TBC1D5: variants seen among roughly 807,000 people sequenced by gnomAD.
TBC1D5 encodes TBC1 domain family member 5.
In TBC1D5, 75 loss-of-function variants were observed where a neutral mutation model predicts 100.3. The ratio of observed to expected loss-of-function variants is 0.75; its 90% CI spans 0.62 to 0.91. The LOEUF (loss-of-function observed/expected upper bound fraction) is 0.91. TBC1D5 is among the 40% of genes least tolerant of loss of function. The pLI, the probability that TBC1D5 is intolerant of heterozygous loss-of-function variation, is 0.00. For missense variants in TBC1D5, 910 were observed against 942.4 expected, an observed-to-expected ratio of 0.97 and a Z score of 0.45; for synonymous variants, 323 against 325.6, an observed-to-expected ratio of 0.99 and a Z score of 0.09.
chr3:17,252,823 T>C (rs2077289166), intron 16 of TBC1D5, among the ~76,000 whole-genome samples: 1 of 152,216 alleles, frequency 6.6e-6, no homozygotes, highest in Non-Finnish European at 1.5e-5. Flanking sequence ...ATCTATCTTT[T>C]TCACTGATGT....
At chr3:17,629,592 T>A (rs2063330672) in intron 1 of TBC1D5, among the ~76,000 whole-genome samples, 1 of 152,248 alleles carries the variant, frequency 6.6e-6, no homozygotes, top group Non-Finnish European at 1.5e-5. Flanking sequence ...ACTAGTTACT[T>A]TGCTACTAAA....
At chr3:17,265,757 G>A (rs1459159730) in intron 15 of TBC1D5, among the ~76,000 whole-genome samples, 1 of 152,090 alleles carries the variant, frequency 6.6e-6, no homozygotes, top group Non-Finnish European at 1.5e-5. Flanking sequence ...CAAGTGCAGA[G>A]ATGCCATGGC....
intron 18 of TBC1D5, among the ~76,000 whole-genome samples, chr3:17,200,418 T>C (rs1330224533): frequency 1.3e-5 from 2 of 152,348 alleles, no homozygotes; most frequent in African/African-American, 4.8e-5. Flanking sequence ...AGCAGCAGCA[T>C]TAGATTCTCA....
At chr3:17,214,001 CT>C (rs11393639) in intron 18 of TBC1D5, among the ~76,000 whole-genome samples, 114 of 146,742 alleles carry the variant, frequency 7.8e-4, no homozygotes, top group African/African-American at 2.6e-3. Flanking sequence ...AATGATGCTA[CT>C]TTTTTTTTTT....
In TBC1D5 at chr3:17,183,604, C is replaced by T. The variant is rs12330212; in HGVS notation, c.1852+1505G>A. Reference sequence around the variant, plus strand: ...TCTCCTGCTGTTTTTCCCTCTTGAGCCCTTTCCCTGCAGGAGTGGTTGAGA... The same window carrying T: ...TCTCCTGCTGTTTTTCCCTCTTGAGTCCTTTCCCTGCAGGAGTGGTTGAGA... On this transcript the variant is annotated intron_variant, in intron 19 of 21. Coordinates refer to ENST00000253692, the Ensembl canonical transcript of TBC1D5. Among the ~76,000 whole-genome samples, 143 of 152,272 alleles carry T rather than the reference C, an allele frequency of 9.4e-4. 1 individual carries two copies. Among genetic ancestry groups the T allele is most frequent in the African/African-American group, 3.2e-3 (135 of 41,550 alleles).
chr3:17,567,897 GA>G (rs2153495235), intron 2 of TBC1D5, among the ~76,000 whole-genome samples: 1 of 151,620 alleles, frequency 6.6e-6, no homozygotes, highest in African/African-American at 2.4e-5. Context: ...AAGTATAAAA[GA>G]CCAAAAGATA....
intron 1 of TBC1D5, among the ~76,000 whole-genome samples, chr3:17,660,241 A>C (rs932788079): frequency 6.6e-6 from 1 of 152,242 alleles, no homozygotes; most frequent in African/African-American, 2.4e-5. Context: ...ATGCAAAAAG[A>C]GAAAGAAACT....
chr3:17,623,945 A>G (rs1341517390), intron 1 of TBC1D5, 32 bp from the exon 2 acceptor site: 1 of 152,194 alleles, frequency 6.6e-6, no homozygotes, highest in East Asian at 1.9e-4. Flanking sequence ...GGATCTTTAA[A>G]TCTATGAAAT....
intron 19 of TBC1D5, among the ~76,000 whole-genome samples, chr3:17,178,193 G>A (rs888933552): frequency 4.0e-5 from 6 of 151,720 alleles, no homozygotes; most frequent in African/African-American, 1.2e-4. Context: ...AGCCTCCTGA[G>A]TAGCTGGGAC....
intron 4 of TBC1D5, among the ~76,000 whole-genome samples, chr3:17,417,194 T>C (rs1160451385): frequency 2.0e-5 from 3 of 152,196 alleles, no homozygotes; most frequent in African/African-American, 7.2e-5. Flanking sequence ...TTTATTATTT[T>C]TTAATTATTA....
chr3:17,193,854 A>G (rs951912943), intron 18 of TBC1D5, among the ~76,000 whole-genome samples: 1 of 152,230 alleles, frequency 6.6e-6, no homozygotes, highest in South Asian at 2.1e-4. Context: ...ACACTTACAG[A>G]AGGTGTTCTA....
intron 13 of TBC1D5, among the ~76,000 whole-genome samples, chr3:17,323,720 G>C (rs1299965400): frequency 2.6e-5 from 4 of 151,954 alleles, no homozygotes; most frequent in Non-Finnish European, 5.9e-5. Flanking sequence ...TTATTGACTA[G>C]AATAATCAAT....
intron 15 of TBC1D5, among the ~76,000 whole-genome samples, chr3:17,290,044 A>G (rs2081564947): frequency 6.6e-6 from 1 of 152,220 alleles, no homozygotes; most frequent in Non-Finnish European, 1.5e-5. Context: ...CCATGAACTT[A>G]TTCTACTGAG....
At chr3:17,224,591 A>G (rs1328091965) in intron 17 of TBC1D5, among the ~76,000 whole-genome samples, 1 of 152,012 alleles carries the variant, frequency 6.6e-6, no homozygotes, top group Non-Finnish European at 1.5e-5. Flanking sequence ...CAAGGGTATA[A>G]ACTAACGAAC....
intron 2 of TBC1D5, among the ~76,000 whole-genome samples, chr3:17,604,336 A>G (rs2153600793): frequency 1.3e-5 from 2 of 152,310 alleles, no homozygotes; most frequent in African/African-American, 4.8e-5. Flanking sequence ...CATCCTTCAC[A>G]TTGAAAATAG....
chr3:17,678,228 T>C (rs1337825651), intron 1 of TBC1D5, among the ~76,000 whole-genome samples: 1 of 152,158 alleles, frequency 6.6e-6, no homozygotes, highest in Non-Finnish European at 1.5e-5. Flanking sequence ...CTAGTAATTA[T>C]AATGTGGCAC....
At chr3:17,280,954 T>A (rs1325983955) in intron 15 of TBC1D5, among the ~76,000 whole-genome samples, 1 of 152,156 alleles carries the variant, frequency 6.6e-6, no homozygotes, top group Non-Finnish European at 1.5e-5. Flanking sequence ...GGAGTTTTGC[T>A]CCTTCAGGTG....
At chr3:17,245,951 G>A (rs2076701524) in intron 16 of TBC1D5, among the ~76,000 whole-genome samples, 1 of 152,100 alleles carries the variant, frequency 6.6e-6, no homozygotes, top group South Asian at 2.1e-4. Flanking sequence ...TAACACATGA[G>A]AAAGGGAAGA....
chr3:17,347,607 A>G (rs2090062846), intron 13 of TBC1D5, among the ~76,000 whole-genome samples: 1 of 152,102 alleles, frequency 6.6e-6, no homozygotes, highest in South Asian at 2.1e-4. Flanking sequence ...TCCTGAGATG[A>G]AGCAACTGAG....
Sources: allele counts gnomAD v4.1 joint callset (sites outside exome capture counted in the v4.1 genomes callset), GRCh38; gene constraint gnomAD v4.1.1; transcripts MANE v1.5; gene names NCBI Gene and HGNC (gene_info 2026-07-23, HGNC 2026-07-21).